PFKL: variants seen among roughly 807,000 people sequenced by gnomAD.
PFKL encodes phosphofructokinase, liver type, also known as ATP-dependent 6-phosphofructokinase, liver type.
In PFKL, 74 loss-of-function variants were observed where a neutral mutation model predicts 92.1. That is an observed-to-expected ratio of 0.80 (90% CI 0.67 to 0.97). The LOEUF (loss-of-function observed/expected upper bound fraction) is 0.97, where lower values mean the gene tolerates loss of function less well. Ranked by LOEUF, PFKL falls within the 50% of genes least tolerant of loss-of-function variation. The pLI, the probability that PFKL is intolerant of heterozygous loss-of-function variation, is 0.00. For synonymous variants in PFKL, 494 were observed against 456.4 expected, an observed-to-expected ratio of 1.08 and a Z score of -1.05; for missense variants, 1,028 against 1,116.6, an observed-to-expected ratio of 0.92 and a Z score of 1.13.
intron 9 of PFKL, among the ~76,000 whole-genome samples, chr21:44,318,210 G>A (rs1011546947): frequency 1.3e-5 from 2 of 152,218 alleles, no homozygotes; most frequent in Admixed American, 6.5e-5. Context: ...ACGGTGGGTG[G>A]GTCGCATTGC....
chr21:44,313,551 A>T, intron 5 of PFKL, 87 bp from the exon 6 acceptor site: 1 of 1,313,446 alleles, frequency 7.6e-7, no homozygotes, highest in Non-Finnish European at 1.1e-6. Context: ...CTCTCCATCC[A>T]CTGGGTCCCT....
At chr21:44,319,793 G>T in intron 11 of PFKL, 1 of 513,824 alleles carries the variant, frequency 1.9e-6, no homozygotes, top group South Asian at 2.5e-5. Context: ...TTGGACGTCT[G>T]GGTTCCCATG....
At chr21:44,312,082 A>G in intron 3 of PFKL, 23 bp from the exon 4 acceptor site, 1 of 1,427,012 alleles carries the variant, frequency 7.0e-7, no homozygotes, top group East Asian at 2.9e-5. Flanking sequence ...TCTCTCCTGA[A>G]GTTTCTGGTC....
chr21:44,314,122 A>C, intron 7 of PFKL, 101 bp downstream of exon 7: 1 of 785,796 alleles, frequency 1.3e-6, no homozygotes, highest in Non-Finnish European at 2.1e-6. Flanking sequence ...TCTATCACTC[A>C]TGGGTTCATC....
chr21:44,321,716 C>T lies in PFKL; in HGVS notation c.1192-13C>T. 1 of 1,545,198 alleles carries T rather than the reference C, an allele frequency of 6.5e-7. No individual in the cohort carries two copies. The highest frequency in any genetic ancestry group is 8.7e-7 in the Non-Finnish European group (1 of 1,145,208). On this transcript the variant is annotated splice_polypyrimidine_tract_variant and intron_variant, in intron 12 of 21. Coordinates refer to ENST00000349048, the MANE Select transcript of PFKL (RefSeq NM_002626.6). ...CGGCTGTGCCTCACGCTCATCTCCC[C>T]TTCTCTCTGAAGTCTAACTTCTCCC...
rs963350501 is a variant in PFKL at position 44,313,742 on chromosome 21, A to G, written c.638+60A>G. The G allele has an allele frequency of 2.2e-5, 34 of 1,521,518 alleles. No individual in the cohort carries two copies. In the African/African-American group the frequency reaches 3.7e-4, roughly 17 times the overall value. The allele number at this position is 1,521,518 out of a possible 1,614,324, so 94.3% of individuals were successfully genotyped here. A position where few individuals can be genotyped will look rare whatever the true frequency, so the allele number is the denominator to read the frequency against. On this transcript the variant is annotated intron_variant, in intron 6 of 21. Coordinates refer to ENST00000349048, the MANE Select transcript of PFKL (RefSeq NM_002626.6). ...GGGTGCTGCTGGGGACCGCAGTGAC[A>G]GGTGTGGCATATTTATTCTAGGGCT...
chr21:44,314,000 C>G lies in PFKL; in HGVS notation c.726C>G (p.Phe242Leu). 1 of 1,606,710 alleles carries G rather than the reference C, an allele frequency of 6.2e-7. No individual in the cohort carries two copies. Among genetic ancestry groups the G allele is most frequent in the South Asian group, 1.1e-5 (1 of 89,742 alleles). Reference protein sequence around the residue: ...EAPPEDGWENFMCERLGETRS... With the variant: ...EAPPEDGWENLMCERLGETRS... ...CACCCGAGGACGGCTGGGAGAACTT[C>G]ATGTGTGAGAGGCTGGGTGAGGTGG... Residue 242 changes from phenylalanine (F) to leucine (L), a missense_variant, in exon 7 of 22, where the codon TTC (phenylalanine) becomes TTG (leucine). Transcript: ENST00000349048.
chr21:44,306,847 G>A, intron 2 of PFKL, 93 bp downstream of exon 2: 1 of 1,143,020 alleles, frequency 8.7e-7, no homozygotes, highest in Non-Finnish European at 1.3e-6. Flanking sequence ...CTGGGAGACG[G>A]GGTGGTCCTG....
At position 44,325,244 on chromosome 21, in the gene PFKL, G is replaced by C; in HGVS notation, c.1969G>C (p.Val657Leu). Residue 657 changes from valine (V) to leucine (L), a missense_variant, in exon 19 of 22, where the codon GTC (valine) becomes CTC (leucine). Transcript: ENST00000349048. ...GGGCGTCTTCGACTGCAGGACCAAT[G>C]TCCTGGGCCACCTGCAGCAGGTGTG... ...GKGVFDCRTNVLGHLQQGGAP... is the reference protein window; with the variant it reads ...GKGVFDCRTNLLGHLQQGGAP... 6.2e-7 allele frequency: 1 copy of C among 1,610,464 alleles called. No homozygotes were observed. The highest frequency in any genetic ancestry group is 8.5e-7 in the Non-Finnish European group (1 of 1,177,398).
Position 44,316,462 on chromosome 21 carries a change from C to G in PFKL, c.874C>G (p.Arg292Gly). 1 of 1,611,386 alleles carries G rather than the reference C, an allele frequency of 6.2e-7. No homozygotes were observed. The highest frequency in any genetic ancestry group is 1.1e-5 in the South Asian group (1 of 90,990). ...LVVQRLGFDTRVTVLGHVQRG... is the reference protein window; with the variant it reads ...LVVQRLGFDTGVTVLGHVQRG... Reference sequence around the variant, plus strand: ...GGTTCAGAGGCTGGGCTTCGACACCCGTGTAACTGTGCTGGGCCACGTGCA... The same window carrying G: ...GGTTCAGAGGCTGGGCTTCGACACCGGTGTAACTGTGCTGGGCCACGTGCA... Residue 292 changes from arginine (R) to glycine (G), a missense_variant, in exon 9 of 22, where the codon CGT (arginine) becomes GGT (glycine). Arg to Gly is a moderately radical substitution (Grantham distance 125). Transcript: ENST00000349048.
rs745419153 is a variant in PFKL, at chr21:44,313,947, G to T, written c.673G>T (p.Ala225Ser). The change falls in exon 7 of 22, where the codon GCC becomes TCC. Residue 225 changes from alanine (A) to serine (S), a missense_variant. Physicochemically the swap from Ala to Ser is moderately conservative, Grantham distance 99. Transcript: ENST00000349048. ...GCTGGTATCTGCACTGGCCTCAGGG[G>T]CCGACTGGCTGTTCATCCCCGAGGC... ...LALVSALASG[A>S]DWLFIPEAPP... 52 of 1,605,538 alleles carry T rather than the reference G, an allele frequency of 3.2e-5. 1 individual carries two copies. The South Asian group carries it at 3.4e-4, about 10-fold the overall frequency.
intron 1 of PFKL, among the ~76,000 whole-genome samples, chr21:44,303,482 C>A (rs1376190994): frequency 6.7e-6 from 1 of 148,632 alleles, no homozygotes; most frequent in African/African-American, 2.5e-5. Flanking sequence ...TGCCTACCTT[C>A]ATCTCGCCCT....
chr21:44,303,883 C>A (rs555950289), intron 1 of PFKL, among the ~76,000 whole-genome samples: 1 of 152,216 alleles, frequency 6.6e-6, no homozygotes, highest in South Asian at 2.1e-4. Flanking sequence ...CCTGCCTGCC[C>A]TCTGACTGCG....
intron 1 of PFKL, among the ~76,000 whole-genome samples, chr21:44,305,038 C>T (rs990088368): frequency 6.6e-6 from 1 of 152,066 alleles, no homozygotes; most frequent in Non-Finnish European, 1.5e-5. Flanking sequence ...TTGGCTCTGG[C>T]CCCCCTGTTG....
chr21:44,321,778 T>G lies in PFKL; in HGVS notation c.1241T>G (p.Met414Arg). ...AATGTGGGGGCCCCGGCGGCTGGCA[T>G]GAATGCGGCCGTGCGCTCGGCGGTG... The part of the protein sequence containing the change: ...ILNVGAPAAG[M>R]NAAVRSAVRT... Residue 414 changes from methionine (M) to arginine (R), a missense_variant, in exon 13 of 22, where the codon ATG becomes AGG. Transcript: ENST00000349048. 4 of 1,599,032 alleles carry G rather than the reference T, an allele frequency of 2.5e-6. No individual in the cohort carries two copies. Among genetic ancestry groups the G allele is most frequent in the Non-Finnish European group, 3.4e-6 (4 of 1,173,020 alleles).
At position 44,326,068 on chromosome 21, in the gene PFKL, G is replaced by A. The variant is rs1466269899; in HGVS notation, c.2089+8G>A. ...GCGAGGTTTACCGCAAGGGTAGGTG[G>A]TGGGTGCGACCCGAGGCCTCACTTT... On this transcript the variant is annotated splice_region_variant and intron_variant, in intron 20 of 21. Coordinates refer to ENST00000349048, the MANE Select transcript of PFKL (RefSeq NM_002626.6). 6.2e-7 allele frequency: 1 copy of A among 1,612,568 alleles called. No homozygotes were observed. Among genetic ancestry groups the A allele is most frequent in the Non-Finnish European group, 8.5e-7 (1 of 1,179,230 alleles).
rs373549531 is a variant in PFKL at position 44,323,752 on chromosome 21, C to T, written c.1498-14C>T. The T allele has an allele frequency of 8.1e-6, 13 of 1,607,930 alleles. No homozygotes were observed. Among genetic ancestry groups the T allele is most frequent in the East Asian group, 2.2e-5 (1 of 44,642 alleles). On this transcript the variant is annotated splice_polypyrimidine_tract_variant and intron_variant, in intron 15 of 21. Coordinates refer to ENST00000349048, the MANE Select transcript of PFKL (RefSeq NM_002626.6). ...CGGTGCTGCCCTTGACCTGCCCCGT[C>T]CCTACTGCTGCAGGCCTATGAAGGG...
intron 7 of PFKL, 22 bp from the exon 8 acceptor site, chr21:44,316,222 C>T (rs1357242992): frequency 1.2e-6 from 2 of 1,608,868 alleles, no homozygotes; most frequent in Non-Finnish European, 1.7e-6. Flanking sequence ...GGCAGCTGAG[C>T]CCTGTCGTGT....
At chr21:44,307,726 G>GGGGTGGGGCTA (rs1297697352) in intron 2 of PFKL, among the ~76,000 whole-genome samples, 1 of 151,858 alleles carries the variant, frequency 6.6e-6, no homozygotes, top group Admixed American at 6.6e-5. Flanking sequence ...TGGCCAGGCT[G>GGGGTGGGGCTA]GGGCCCTGCC....
Sources: allele counts gnomAD v4.1 joint callset (sites outside exome capture counted in the v4.1 genomes callset), GRCh38; gene constraint gnomAD v4.1.1; transcripts MANE v1.5; gene names NCBI Gene and HGNC (gene_info 2026-07-23, HGNC 2026-07-21).